Variants in SGCD observed in about 807,000 individuals in gnomAD.
SGCD encodes the protein delta-sarcoglycan.
SGCD carries 18 observed loss-of-function variants against 36.6 expected under a neutral mutation model. That is an observed-to-expected ratio of 0.49 (90% CI 0.34 to 0.73). The LOEUF is 0.73. SGCD is among the 30% of genes least tolerant of loss of function. The pLI is 0.01. For synonymous variants in SGCD, 133 were observed against 130.6 expected (o/e 1.02, Z -0.12); for missense variants, 387 against 346.7 (o/e 1.12, Z -0.92).
intron 3 of SGCD, among the ~76,000 whole-genome samples, chr5:156,431,791 G>A (rs916480362): frequency 5.9e-5 from 9 of 152,152 alleles, no homozygotes; most frequent in Admixed American, 1.3e-4. Flanking sequence ...TCTCGACTCA[G>A]TGCAACCTCT....
intron 7 of SGCD, among the ~76,000 whole-genome samples, chr5:156,674,053 A>G (rs1753411679): frequency 6.6e-6 from 1 of 152,198 alleles, no homozygotes; most frequent in Admixed American, 6.5e-5. Context: ...TTAATAGCAA[A>G]TGTGCCTGAT....
intron 3 of SGCD, among the ~76,000 whole-genome samples, chr5:156,259,310 C>T (rs988905387): frequency 1.3e-5 from 2 of 151,808 alleles, no homozygotes; most frequent in Non-Finnish European, 2.9e-5. Flanking sequence ...TTTATTGGGA[C>T]ATTTATCTTT....
At chr5:156,463,491 C>A (rs867529190) in intron 3 of SGCD, among the ~76,000 whole-genome samples, 8 of 152,130 alleles carry the variant, frequency 5.3e-5, no homozygotes, top group Non-Finnish European at 1.2e-4. Flanking sequence ...TTTACCTGAA[C>A]TATACTTTTT....
At chr5:156,701,476 A>G (rs1754526081) in intron 7 of SGCD, among the ~76,000 whole-genome samples, 1 of 152,130 alleles carries the variant, frequency 6.6e-6, no homozygotes, top group Non-Finnish European at 1.5e-5. Flanking sequence ...CTTCTTCCAC[A>G]ATTGACTGTT....
At chr5:155,776,717 G>T in the SGCD span, among the ~76,000 whole-genome samples, 1 of 146,430 alleles carries the variant, frequency 6.8e-6, no homozygotes, top group Non-Finnish European at 1.5e-5. Context: ...GAAGAGGATA[G>T]TTTTCTGAAA....
intron 3 of SGCD, among the ~76,000 whole-genome samples, chr5:156,210,831 G>A (rs906973166): frequency 6.6e-6 from 1 of 152,026 alleles, no homozygotes; most frequent in African/African-American, 2.4e-5. Context: ...CATCAAAAGA[G>A]CAAATGTGCA....
chr5:156,285,696 C>T (rs1245242446), intron 3 of SGCD, among the ~76,000 whole-genome samples: 3 of 152,078 alleles, frequency 2.0e-5, no homozygotes, highest in Non-Finnish European at 2.9e-5. Flanking sequence ...AAGACTTAAA[C>T]GTTGGACCTA....
Position 156,178,622 on chromosome 5 carries a change from G to A in SGCD, c.-44+54603G>A, listed in dbSNP as rs1763527404. Reference sequence around the variant, plus strand: ...TAGTTTTCCCCTTCTATAGAACGATGGCATTCTGATGGAAGCAGAGATTGC... The same window carrying A: ...TAGTTTTCCCCTTCTATAGAACGATAGCATTCTGATGGAAGCAGAGATTGC... On this transcript the variant is annotated intron_variant, in intron 3 of 9. Transcript: ENST00000517913. Among the ~76,000 whole-genome samples, 4 of 152,250 alleles carry A rather than the reference G, an allele frequency of 2.6e-5. No individual in the cohort carries two copies. The South Asian group carries it at 8.3e-4, about 32-fold the overall frequency.
chr5:156,508,557 T>G, intron 3 of SGCD, 44 bp from the exon 4 acceptor site: 1 of 1,240,570 alleles, frequency 8.1e-7, no homozygotes, highest in Non-Finnish European at 1.2e-6. Context: ...TTTTGAAATT[T>G]TGGCTAATCA....
At chr5:156,099,063 G>C (rs906661202) in intron 1 of SGCD, among the ~76,000 whole-genome samples, 9 of 152,170 alleles carry the variant, frequency 5.9e-5, no homozygotes, top group African/African-American at 1.9e-4. Context: ...CCAAGTTTGG[G>C]GTTGTTGGTA....
At chr5:156,449,301 A>C (rs62382692) in intron 3 of SGCD, among the ~76,000 whole-genome samples, 2 of 151,954 alleles carry the variant, frequency 1.3e-5, no homozygotes. Flanking sequence ...TTTATTTGTC[A>C]AATTATTTGG....
chr5:155,809,169 A>G, the SGCD span, among the ~76,000 whole-genome samples: 2 of 152,242 alleles, frequency 1.3e-5, no homozygotes, highest in African/African-American at 2.4e-5. Context: ...GACCAGGCAC[A>G]GTGTCAGGAG....
At chr5:155,939,834 GTC>G (rs1231923626) in intron 1 of SGCD, among the ~76,000 whole-genome samples, 3 of 145,796 alleles carry the variant, frequency 2.1e-5, no homozygotes, top group Non-Finnish European at 4.5e-5. Flanking sequence ...ATATCCAAAT[GTC>G]TCTTTTTTTT....
chr5:155,861,040 A>G, the SGCD span, among the ~76,000 whole-genome samples: 2 of 152,200 alleles, frequency 1.3e-5, no homozygotes, highest in Non-Finnish European at 2.9e-5. Context: ...GTGCGTGCAC[A>G]CACACACATA....
chr5:156,438,692 T>G (rs568222147), intron 3 of SGCD, among the ~76,000 whole-genome samples: 2 of 152,278 alleles, frequency 1.3e-5, no homozygotes, highest in South Asian at 4.1e-4. Flanking sequence ...TCCTCCATTC[T>G]TCACAGGGAA....
chr5:156,605,055 GT>G (rs1581240565), intron 6 of SGCD, among the ~76,000 whole-genome samples: 1 of 151,394 alleles, frequency 6.6e-6, no homozygotes, highest in East Asian at 1.9e-4. Flanking sequence ...GTGTGTGTGT[GT>G]TTTATTATTA....
the SGCD span, among the ~76,000 whole-genome samples, chr5:155,835,380 A>G: frequency 6.6e-6 from 1 of 152,142 alleles, no homozygotes. Context: ...AATGCAAACA[A>G]TCTACAGAAA....
intron 3 of SGCD, among the ~76,000 whole-genome samples, chr5:156,217,962 A>G (rs565315085): frequency 2.0e-5 from 3 of 152,296 alleles, no homozygotes; most frequent in Admixed American, 1.3e-4. Context: ...AATTTTAATA[A>G]CAGCCTTAGA....
chr5:156,751,007 A>T (rs1284280643), intron 7 of SGCD, among the ~76,000 whole-genome samples: 1 of 152,242 alleles, frequency 6.6e-6, no homozygotes, highest in Non-Finnish European at 1.5e-5. Flanking sequence ...TTTCCTTATG[A>T]AACTTAAGTT....
Sources: gnomAD v4.1 joint callset for allele counts (sites outside exome capture counted in the v4.1 genomes callset) on GRCh38, gnomAD v4.1.1 for gene constraint, MANE v1.5 for transcripts, NCBI Gene and HGNC (gene_info 2026-07-23, HGNC 2026-07-21) for gene names.